XK: variants seen among roughly 807,000 people sequenced by gnomAD.
XK encodes X-linked Kx blood group antigen, Kell and VPS13A binding protein.
XK carries 2 observed loss-of-function variants against 14.0 expected under a neutral mutation model. That is an observed-to-expected ratio of 0.14 (90% CI 0.06 to 0.45). The LOEUF (loss-of-function observed/expected upper bound fraction) is 0.45, where lower values mean the gene tolerates loss of function less well. Among genes scored for constraint, XK ranks in the 20% least tolerant of loss-of-function variants. XK has a pLI of 0.98. For missense variants in XK, 235 were observed against 341.5 expected (o/e 0.69, Z 2.46); for synonymous variants, 149 against 147.5 (o/e 1.01, Z -0.08).
chrX:37,707,625 C>T (rs142852837), intron 2 of XK, among the ~76,000 whole-genome samples: 1,521 of 108,428 alleles, frequency 0.014, 25 homozygotes, highest in African/African-American at 0.045. Flanking sequence ...GGGGCAGAGC[C>T]GCTCCCCACA....
intron 2 of XK, among the ~76,000 whole-genome samples, chrX:37,720,286 A>G (rs988965115): frequency 9.1e-6 from 1 of 110,477 alleles, no homozygotes; most frequent in Non-Finnish European, 1.9e-5. Flanking sequence ...CCCCAGGAGT[A>G]CTCACTGCTT....
At chrX:37,707,354 C>T (rs1490832826) in intron 2 of XK, among the ~76,000 whole-genome samples, 10 of 110,842 alleles carry the variant, frequency 9.0e-5, no homozygotes, top group African/African-American at 2.6e-4. Flanking sequence ...GGCGGAGATG[C>T]TCCTCACTTC....
chrX:37,727,670 G>A lies in XK; in HGVS notation c.543G>A (p.Val181=). 1 of 1,210,528 alleles carries A rather than the reference G, an allele frequency of 8.3e-7. No individual in the cohort carries two copies. Among genetic ancestry groups the A allele is most frequent in the Non-Finnish European group, 1.1e-6 (1 of 895,142 alleles). ...LLMTISLLSI[V]YGALRCNILA... is the part of the protein sequence containing the mutation. ...TGACCATATCCCTGTTGTCCATTGT[G>A]TATGGAGCCTTGCGCTGCAACATCC... is the stretch of plus-strand genomic sequence containing the variant. The change falls in exon 3 of 3, where the codon GTG becomes GTA. Residue 181 remains valine (V), a synonymous_variant. Coordinates refer to ENST00000378616, the MANE Select transcript of XK (RefSeq NM_021083.4).
At chrX:37,702,183 C>G (rs1487414175) in intron 2 of XK, among the ~76,000 whole-genome samples, 1 of 111,541 alleles carries the variant, frequency 9.0e-6, no homozygotes, top group Non-Finnish European at 1.9e-5. Flanking sequence ...CTGCTTGCAG[C>G]TCAAATGCAC....
At position 37,698,543 on chromosome X, in the gene XK, CAAAAAAAAAAAAA is replaced by C. The variant is rs35497516; in HGVS notation, c.508+4009_508+4021del. On this transcript the variant is annotated intron_variant, in intron 2 of 2. Transcript: ENST00000378616. ...GCTTGAGCCTGGGAGGACCTTGCCT[CAAAAAAAAAAAAA>C]AAAAAAAAAAAAAGAGGAGGAAAAT... 5.6e-4 allele frequency among the ~76,000 whole-genome samples: 15 copies of C among 26,989 alleles called. 1 individual carries two copies. The highest frequency in any genetic ancestry group is 1.6e-3 in the African/African-American group (13 of 8,013). The allele number at this position is 26,989 out of a possible 115,157, so 23.4% of individuals were successfully genotyped here.
chrX:37,707,805 G>T (rs1427548298), intron 2 of XK, among the ~76,000 whole-genome samples: 1 of 112,539 alleles, frequency 8.9e-6, no homozygotes, highest in Non-Finnish European at 1.9e-5. Flanking sequence ...AGATGGGGTG[G>T]CAGCCGGGCA....
intron 2 of XK, among the ~76,000 whole-genome samples, chrX:37,713,313 G>A (rs1240522357): frequency 9.0e-6 from 1 of 111,560 alleles, no homozygotes; most frequent in East Asian, 2.8e-4. Context: ...ATGGAAGCTA[G>A]ATCTTAAGAG....
chrX:37,701,951 C>G (rs1043259615), intron 2 of XK, among the ~76,000 whole-genome samples: 7 of 112,226 alleles, frequency 6.2e-5, no homozygotes, highest in African/African-American at 1.9e-4. Context: ...CGCCCTCTCT[C>G]TGCCTCTGTC....
chrX:37,722,026 T>C (rs1927884068), intron 2 of XK, among the ~76,000 whole-genome samples: 1 of 111,420 alleles, frequency 9.0e-6, no homozygotes, highest in Non-Finnish European at 1.9e-5. Context: ...GTATCAGTGG[T>C]TTCTTAGGAC....
chrX:37,725,825 G>A (rs1443297903), intron 2 of XK, among the ~76,000 whole-genome samples: 1 of 111,668 alleles, frequency 9.0e-6, no homozygotes, highest in Non-Finnish European at 1.9e-5. Context: ...TTAAATGTAT[G>A]TTACTAAGTG....
At chrX:37,705,229 A>G (rs1927492310) in intron 2 of XK, among the ~76,000 whole-genome samples, 2 of 110,068 alleles carry the variant, frequency 1.8e-5, no homozygotes, top group African/African-American at 3.3e-5. Flanking sequence ...GCGGATCACG[A>G]GGTCAGGAGA....
chrX:37,690,111 T>G (rs1188173956), intron 1 of XK, among the ~76,000 whole-genome samples: 2 of 112,232 alleles, frequency 1.8e-5, no homozygotes, highest in African/African-American at 6.5e-5. Context: ...ATATTAAACT[T>G]TATAAAGAAT....
At chrX:37,715,410 C>G (rs1426431947) in intron 2 of XK, among the ~76,000 whole-genome samples, 1 of 111,508 alleles carries the variant, frequency 9.0e-6, no homozygotes, top group Non-Finnish European at 1.9e-5. Context: ...CTGAAACTTG[C>G]ATTTTTTTTC....
rs782325664 is a variant in XK at position 37,727,945 on chromosome X, G to T, written c.818G>T (p.Arg273Ile). Residue 273 changes from arginine (R) to isoleucine (I), a missense_variant, in exon 3 of 3, where the codon AGA (arginine) becomes ATA (isoleucine). Physicochemically the swap from Arg to Ile is moderately conservative, Grantham distance 97 (BLOSUM62 -3). Transcript: ENST00000378616. Reference sequence around the variant, plus strand: ...GAGAACATAGAGAAGGCCCTCAGTAGAGTGGGCACCACCATTGTACTATGC... The same window carrying T: ...GAGAACATAGAGAAGGCCCTCAGTATAGTGGGCACCACCATTGTACTATGC... ...FPENIEKALS[R>I]VGTTIVLCFL... is the part of the protein sequence containing the mutation. 1.1e-5 allele frequency: 13 copies of T among 1,209,041 alleles called. No individual in the cohort carries two copies. The highest frequency in any genetic ancestry group is 1.3e-5 in the Non-Finnish European group (12 of 894,864).
rs782697572 is a variant in XK, at chrX:37,725,479, A to G, written c.509-2157A>G. Among the ~76,000 whole-genome samples the G allele has an allele frequency of 2.7e-5, 3 of 111,774 alleles. No homozygotes were observed. In the East Asian group the frequency reaches 8.4e-4, roughly 31 times the overall value. On this transcript the variant is annotated intron_variant, in intron 2 of 2. Transcript: ENST00000378616. ...GGGATGTGGAGCGATAGGAACTCTC[A>G]TTCATAGCTGTTGAGAATGCAAAAT...
At chrX:37,708,786 A>G (rs1556446058) in intron 2 of XK, among the ~76,000 whole-genome samples, 1 of 111,798 alleles carries the variant, frequency 8.9e-6, no homozygotes. Flanking sequence ...TCCTTTCCAG[A>G]CTCTTTCTGC....
intron 2 of XK, among the ~76,000 whole-genome samples, chrX:37,706,403 G>A (rs781874031): frequency 8.1e-5 from 9 of 110,880 alleles, no homozygotes; most frequent in Non-Finnish European, 1.5e-4. Context: ...ATTGTGGTAA[G>A]ATGCCAAATC....
At chrX:37,726,377 T>C (rs1353106089) in intron 2 of XK, among the ~76,000 whole-genome samples, 1 of 112,068 alleles carries the variant, frequency 8.9e-6, no homozygotes, top group Non-Finnish European at 1.9e-5. Flanking sequence ...ATTATCTCAA[T>C]TTTATGGGTG....
intron 2 of XK, among the ~76,000 whole-genome samples, chrX:37,719,425 T>C (rs1345566217): frequency 1.8e-5 from 2 of 110,873 alleles, no homozygotes; most frequent in Non-Finnish European, 3.8e-5. Context: ...GAGCCATTCT[T>C]TTCTCTCTCT....
Sources: allele counts gnomAD v4.1 joint callset (sites outside exome capture counted in the v4.1 genomes callset), GRCh38; gene constraint gnomAD v4.1.1; transcripts MANE v1.5; gene names NCBI Gene and HGNC (gene_info 2026-07-23, HGNC 2026-07-21).